The following RNF169 variants were observed in gnomAD, a reference collection of about 807,000 sequenced individuals.
The protein encoded by RNF169 is E3 ubiquitin-protein ligase RNF169.
Under a neutral mutation model 53.9 loss-of-function variants are expected in RNF169, and 24 were observed. The observed-to-expected ratio is 0.45, with a 90% CI of 0.32 to 0.63. The LOEUF (loss-of-function observed/expected upper bound fraction) is 0.63. Among genes scored for constraint, RNF169 ranks in the 20% least tolerant of loss-of-function variants. The probability of loss-of-function intolerance (pLI) is 0.04; values close to 1 mark genes in which losing one functional copy is unlikely to be tolerated. For missense variants in RNF169, 883 were observed against 906.2 expected (o/e 0.97, Z 0.33); for synonymous variants, 396 against 363.5 (o/e 1.09, Z -1.02).
At chr11:74,784,108 C>CT (rs2035454623) in intron 1 of RNF169, among the ~76,000 whole-genome samples, 1 of 152,090 alleles carries the variant, frequency 6.6e-6, no homozygotes, top group Admixed American at 6.5e-5. Context: ...TATACATACT[C>CT]TTAATATTAA....
At chr11:74,766,863 G>A (rs1239939501) in intron 1 of RNF169, among the ~76,000 whole-genome samples, 1 of 152,170 alleles carries the variant, frequency 6.6e-6, no homozygotes, top group Admixed American at 6.5e-5. Flanking sequence ...TAAATAAAAC[G>A]TTTCCAGACT....
chr11:74,758,825 G>GT (rs1367326430), intron 1 of RNF169, among the ~76,000 whole-genome samples: 1 of 151,774 alleles, frequency 6.6e-6, no homozygotes, highest in African/African-American at 2.4e-5. Context: ...CTTTAAAGTA[G>GT]TTTTTTCCAA....
At chr11:74,772,809 C>T (rs2035279752) in intron 1 of RNF169, among the ~76,000 whole-genome samples, 1 of 152,134 alleles carries the variant, frequency 6.6e-6, no homozygotes, top group Admixed American at 6.5e-5. Flanking sequence ...TAGATACTAG[C>T]ATAATGAACC....
chr11:74,771,171 T>C (rs2035254992), intron 1 of RNF169, among the ~76,000 whole-genome samples: 1 of 152,190 alleles, frequency 6.6e-6, no homozygotes, highest in African/African-American at 2.4e-5. Flanking sequence ...GAAATACTAG[T>C]TGTAGTAATT....
intron 1 of RNF169, among the ~76,000 whole-genome samples, chr11:74,767,235 A>G (rs2035187854): frequency 6.6e-6 from 1 of 152,210 alleles, no homozygotes; most frequent in South Asian, 2.1e-4. Flanking sequence ...TTCAAAGAAT[A>G]GGAGTTTGGC....
intron 1 of RNF169, among the ~76,000 whole-genome samples, chr11:74,789,221 T>C (rs1199967639): frequency 6.6e-6 from 1 of 152,204 alleles, no homozygotes; most frequent in Admixed American, 6.5e-5. Context: ...CTCAGTATAT[T>C]AATTAAGAGT....
intron 2 of RNF169, among the ~76,000 whole-genome samples, chr11:74,802,969 G>A (rs1347819824): frequency 6.6e-6 from 1 of 152,100 alleles, no homozygotes; most frequent in Non-Finnish European, 1.5e-5. Context: ...CGCCCAGGCT[G>A]GAGTGCATTG....
chr11:74,837,377 T>A lies in RNF169; in HGVS notation c.*647T>A, dbSNP rs2036273023. ...TCTCATGTAACTGGCATTAGCCCCATTTTTAGATGATGAAACTGCAGTGCA... is the reference window on the plus strand; with the variant it reads ...TCTCATGTAACTGGCATTAGCCCCAATTTTAGATGATGAAACTGCAGTGCA... On this transcript the variant is annotated 3_prime_UTR_variant, in exon 6 of 6. Transcript: ENST00000299563. 2 of 152,290 alleles carry A rather than the reference T, an allele frequency of 1.3e-5. No homozygotes were observed. The highest frequency in any genetic ancestry group is 1.3e-4 in the Admixed American group (2 of 15,284). The allele number at this position is 152,290 out of a possible 1,614,324, so 9.4% of individuals were successfully genotyped here. A position where few individuals can be genotyped will look rare whatever the true frequency, so the allele number is the denominator to read the frequency against.
intron 1 of RNF169, among the ~76,000 whole-genome samples, chr11:74,756,101 G>A (rs2034978565): frequency 6.6e-6 from 1 of 152,156 alleles, no homozygotes; most frequent in Admixed American, 6.5e-5. Flanking sequence ...CTGTGGCAGT[G>A]TTAACTTCAG....
At chr11:74,813,711 C>T (rs1001029643) in intron 3 of RNF169, among the ~76,000 whole-genome samples, 6 of 152,040 alleles carry the variant, frequency 3.9e-5, no homozygotes, top group Admixed American at 1.3e-4. Flanking sequence ...TTTTTTGAGA[C>T]GGAGTCTCGC....
At chr11:74,788,951 C>T (rs1407735921) in intron 1 of RNF169, among the ~76,000 whole-genome samples, 1 of 152,042 alleles carries the variant, frequency 6.6e-6, no homozygotes, top group Non-Finnish European at 1.5e-5. Flanking sequence ...TTATGTATTT[C>T]CTTCTTGATT....
chr11:74,762,954 C>T (rs1369352348), intron 1 of RNF169, among the ~76,000 whole-genome samples: 1 of 152,114 alleles, frequency 6.6e-6, no homozygotes, highest in Non-Finnish European at 1.5e-5. Context: ...AAAAAGGAAT[C>T]AGAACTAAGA....
chr11:74,763,383 T>C (rs531269613), intron 1 of RNF169, among the ~76,000 whole-genome samples: 22 of 152,256 alleles, frequency 1.4e-4, no homozygotes, highest in African/African-American at 4.6e-4. Flanking sequence ...GCAGGAGGAT[T>C]ATAGCTCCAA....
At position 74,748,938 on chromosome 11, in the gene RNF169, A is replaced by C; in HGVS notation, c.58A>C (p.Ser20Arg). The C allele has an allele frequency of 6.8e-7, 1 of 1,474,248 alleles. No individual in the cohort carries two copies. Among genetic ancestry groups the C allele is most frequent in the Non-Finnish European group, 9.1e-7 (1 of 1,102,280 alleles). The allele number at this position is 1,474,248 out of a possible 1,614,324, so 91.3% of individuals were successfully genotyped here. Residue 20 changes from serine to arginine, a missense_variant, in exon 1 of 6, where the codon AGT (serine) becomes CGT (arginine). Physicochemically the swap from Ser to Arg is moderately radical, Grantham distance 110. Transcript: ENST00000299563. ...ASSAAAAAALSRRGRRGRCDE... is the reference protein window; with the variant it reads ...ASSAAAAAALRRRGRRGRCDE... ...TTCCGCGGCGGCAGCAGCCGCTCTGAGTCGGCGGGGCCGGCGGGGCCGCTG... is the reference window on the plus strand; with the variant it reads ...TTCCGCGGCGGCAGCAGCCGCTCTGCGTCGGCGGGGCCGGCGGGGCCGCTG...
At chr11:74,785,381 C>T (rs1256496977) in intron 1 of RNF169, among the ~76,000 whole-genome samples, 4 of 148,530 alleles carry the variant, frequency 2.7e-5, no homozygotes, top group South Asian at 2.1e-4. Context: ...TCTAAATACT[C>T]TCGCTTAATT....
intron 2 of RNF169, among the ~76,000 whole-genome samples, chr11:74,796,210 A>G (rs2035647107): frequency 6.6e-6 from 1 of 151,694 alleles, no homozygotes; most frequent in Non-Finnish European, 1.5e-5. Context: ...TTGTTTTTCC[A>G]TTCTATTATA....
chr11:74,820,615 G>A (rs1012832307), intron 4 of RNF169, among the ~76,000 whole-genome samples: 2 of 152,142 alleles, frequency 1.3e-5, no homozygotes, highest in Non-Finnish European at 2.9e-5. Context: ...TGGGGTGTGT[G>A]TGTGTTTGGG....
chr11:74,767,021 G>A (rs577433032), intron 1 of RNF169, among the ~76,000 whole-genome samples: 131 of 151,862 alleles, frequency 8.6e-4, no homozygotes, highest in Non-Finnish European at 1.3e-3. Flanking sequence ...TCTATTTTTT[G>A]TGGAGATGGG....
chr11:74,797,665 C>G (rs773941685), intron 2 of RNF169, among the ~76,000 whole-genome samples: 7 of 152,142 alleles, frequency 4.6e-5, no homozygotes, highest in Non-Finnish European at 8.8e-5. Context: ...ATGGCTGGTT[C>G]ATGATACAGC....
Sources: allele counts gnomAD v4.1 joint callset (sites outside exome capture counted in the v4.1 genomes callset), GRCh38; gene constraint gnomAD v4.1.1; transcripts MANE v1.5; gene names NCBI Gene and HGNC (gene_info 2026-07-23, HGNC 2026-07-21).